The following ITSN1 variants were observed in gnomAD, a reference collection of about 807,000 sequenced individuals.
ITSN1 encodes the protein intersectin-1.
A neutral mutation model predicts 239.8 loss-of-function variants in ITSN1; 58 were observed. The observed-to-expected ratio is 0.24, with a 90% CI of 0.20 to 0.30. The LOEUF is 0.30. Among genes scored for constraint, ITSN1 ranks in the 10% least tolerant of loss-of-function variants. ITSN1 has a pLI of 1.00. For synonymous variants in ITSN1, 780 were observed against 770.8 expected (o/e 1.01, Z -0.20); for missense variants, 1,558 against 2,103.3 (o/e 0.74, Z 5.07).
At position 33,881,961 on chromosome 21, in the gene ITSN1, AAAG is replaced by A. The variant is rs1249596230; in HGVS notation, c.4342-279_4342-277del. On this transcript the variant is annotated intron_variant, in intron 34 of 39. Transcript: ENST00000381318. ...ACCCTGTCTCAAAAAAAAAAAAAAAAAAGAAAAGAAAAAACACACCAGTTGCAC... is the reference window on the plus strand; with the variant it reads ...ACCCTGTCTCAAAAAAAAAAAAAAAAAAAAGAAAAAACACACCAGTTGCAC... Among the ~76,000 whole-genome samples the A allele has an allele frequency of 6.1e-3, 918 of 151,290 alleles. 9 individuals carry two copies. The highest frequency in any genetic ancestry group is 0.01 in the Middle Eastern group (3 of 292).
intron 5 of ITSN1, among the ~76,000 whole-genome samples, chr21:33,741,877 A>C (rs1163223318): frequency 7.6e-6 from 1 of 130,862 alleles, no homozygotes; most frequent in Non-Finnish European, 1.6e-5. Flanking sequence ...CCTGGGCGAC[A>C]GAGCGAGATT....
At chr21:33,712,188 A>AT (rs372298869) in intron 1 of ITSN1, among the ~76,000 whole-genome samples, 66 of 145,850 alleles carry the variant, frequency 4.5e-4, no homozygotes, top group Middle Eastern at 3.5e-3. Flanking sequence ...GTTGATTGCA[A>AT]TTTTTTTTTT....
chr21:33,764,478 A>G (rs1410149847), intron 9 of ITSN1, among the ~76,000 whole-genome samples: 1 of 152,138 alleles, frequency 6.6e-6, no homozygotes, highest in African/African-American at 2.4e-5. Context: ...GTATCTTGCA[A>G]AACTAGAGGA....
At position 33,813,878 on chromosome 21, in the gene ITSN1, G is replaced by A. The variant is rs752361187; in HGVS notation, c.2568-35G>A. 8.1e-6 allele frequency: 13 copies of A among 1,600,664 alleles called. No individual in the cohort carries two copies. In the South Asian group the frequency reaches 1.3e-4, roughly 16 times the overall value. ...GTAAAAAGCTGGTATATTAGGGAGT[G>A]CTTGTTATTCATGGTGTTGTGCTTT... On this transcript the variant is annotated intron_variant, in intron 21 of 39. Transcript: ENST00000381318.
At chr21:33,717,817 T>G (rs1044279572) in intron 1 of ITSN1, among the ~76,000 whole-genome samples, 4 of 152,198 alleles carry the variant, frequency 2.6e-5, no homozygotes, top group African/African-American at 9.6e-5. Context: ...TCCGCCCGCC[T>G]TGGCCTCCCA....
In ITSN1 at chr21:33,819,233, T is replaced by G. The variant is rs556348653; in HGVS notation, c.2934-8T>G. 1 of 1,600,070 alleles carries G rather than the reference T, an allele frequency of 6.2e-7. No homozygotes were observed. Among genetic ancestry groups the G allele is most frequent in the South Asian group, 1.1e-5 (1 of 90,552 alleles). ...AAATTAAAATACTCTCTTCTTCCAT[T>G]ATTGCAGCATGGATTCTGGTTCTTC... On this transcript the variant is annotated splice_polypyrimidine_tract_variant and splice_region_variant and intron_variant, in intron 23 of 39. Coordinates refer to ENST00000381318, the MANE Select transcript of ITSN1 (RefSeq NM_003024.3).
At chr21:33,811,939 C>A (rs1025322842) in intron 21 of ITSN1, among the ~76,000 whole-genome samples, 1 of 151,964 alleles carries the variant, frequency 6.6e-6, no homozygotes, top group African/African-American at 2.4e-5. Context: ...CAAGTCTAAT[C>A]ATCTTTCAGA....
At chr21:33,859,003 G>A (rs1227719601) in intron 31 of ITSN1, among the ~76,000 whole-genome samples, 1 of 152,084 alleles carries the variant, frequency 6.6e-6, no homozygotes, top group African/African-American at 2.4e-5. Flanking sequence ...TGCAAGAGTA[G>A]GTTTCCTGGG....
In ITSN1 at chr21:33,882,624, C is replaced by T. The variant is rs1602711279; in HGVS notation, c.4554+169C>T. Among the ~76,000 whole-genome samples, 1 of 152,060 alleles carries T rather than the reference C, an allele frequency of 6.6e-6. No individual in the cohort carries two copies. Among genetic ancestry groups the T allele is most frequent in the Admixed American group, 6.6e-5 (1 of 15,258 alleles). Reference sequence around the variant, plus strand: ...CCGGAGTGGAGGACGATCCATATCCCGCCGCAGTGTCAGTGACACTCAGTG... The same window carrying T: ...CCGGAGTGGAGGACGATCCATATCCTGCCGCAGTGTCAGTGACACTCAGTG... On this transcript the variant is annotated intron_variant, in intron 35 of 39. Coordinates refer to ENST00000381318, the MANE Select transcript of ITSN1 (RefSeq NM_003024.3). The surrounding 1 kb of genome is among the most constrained non-coding windows in gnomAD (Gnocchi z 4.5).
At chr21:33,716,844 C>T (rs1313426265) in intron 1 of ITSN1, among the ~76,000 whole-genome samples, 2 of 151,448 alleles carry the variant, frequency 1.3e-5, no homozygotes, top group African/African-American at 4.9e-5. Flanking sequence ...CCCAGCTACT[C>T]AGGAGGCTGA....
chr21:33,819,332 C>T lies in ITSN1; in HGVS notation c.3016+9C>T, dbSNP rs1323308610. 1.2e-6 allele frequency: 2 copies of T among 1,608,430 alleles called. No individual in the cohort carries two copies. The highest frequency in any genetic ancestry group is 1.7e-6 in the Non-Finnish European group (2 of 1,175,084). On this transcript the variant is annotated intron_variant, in intron 24 of 39. Transcript: ENST00000381318. The stretch of plus-strand genomic sequence containing the variant: ...GGTCGTTTCGGGAGAAGGTGAGGGC[C>T]TGAGTTGTATTATGTTCTTCAGAAG...
At chr21:33,643,819 G>A (rs1482168075) in intron 1 of ITSN1, 1 of 152,188 alleles carries the variant, frequency 6.6e-6, no homozygotes, top group Non-Finnish European at 1.5e-5. Context: ...ATAAAGGCAA[G>A]GCCAATGAAG....
At chr21:33,685,509 A>G (rs2091195342) in intron 1 of ITSN1, among the ~76,000 whole-genome samples, 1 of 151,966 alleles carries the variant, frequency 6.6e-6, no homozygotes, top group Non-Finnish European at 1.5e-5. Flanking sequence ...GTAATAATAT[A>G]CCAACTTTTA....
chr21:33,885,267 T>C (rs951880338), intron 37 of ITSN1, 144 bp downstream of exon 37: 16 of 947,272 alleles, frequency 1.7e-5, no homozygotes, highest in Non-Finnish European at 2.6e-5. Context: ...TGGGGTGGGA[T>C]GCAGATGGGG....
At chr21:33,888,120 C>G in intron 39 of ITSN1, 32 bp from the exon 40 acceptor site, 1 of 1,341,764 alleles carries the variant, frequency 7.5e-7, no homozygotes, top group Non-Finnish European at 1.0e-6. Context: ...GGAATGGTCC[C>G]TCTTAGGAGG....
chr21:33,653,592 A>T (rs1225774763), intron 1 of ITSN1, among the ~76,000 whole-genome samples: 2 of 151,054 alleles, frequency 1.3e-5, no homozygotes, highest in Admixed American at 6.6e-5. Context: ...GCACGATCTC[A>T]GCTCACTGCA....
At chr21:33,872,871 T>A (rs1036051971) in intron 33 of ITSN1, among the ~76,000 whole-genome samples, 7 of 152,248 alleles carry the variant, frequency 4.6e-5, no homozygotes, top group Non-Finnish European at 1.0e-4. Context: ...ATTTTCTAAA[T>A]TTTGTACATT....
At chr21:33,854,075 G>A (rs984888865) in intron 29 of ITSN1, among the ~76,000 whole-genome samples, 14 of 152,200 alleles carry the variant, frequency 9.2e-5, no homozygotes, top group Admixed American at 7.2e-4. Context: ...GAATGAATAA[G>A]ATCTATGAAC....
At chr21:33,687,699 T>G (rs1402387064) in intron 1 of ITSN1, among the ~76,000 whole-genome samples, 1 of 152,232 alleles carries the variant, frequency 6.6e-6, no homozygotes, top group Admixed American at 6.5e-5. Flanking sequence ...TTAGGGACAG[T>G]TGTTCGTAGC....
Sources: gnomAD v4.1 joint callset for allele counts (sites outside exome capture counted in the v4.1 genomes callset) on GRCh38, gnomAD v4.1.1 for gene constraint, Gnocchi (gnomAD v3.1) non-coding constraint, MANE v1.5 for transcripts, NCBI Gene and HGNC (gene_info 2026-07-23, HGNC 2026-07-21) for gene names.